DNAH14: variants seen among roughly 807,000 people sequenced by gnomAD.
DNAH14 encodes the protein dynein axonemal heavy chain 14.
DNAH14 carries 478 observed loss-of-function variants against 520.9 expected under a neutral mutation model. The ratio of observed to expected loss-of-function variants is 0.92; its 90% confidence interval spans 0.85 to 0.99. DNAH14 has a LOEUF of 0.99. Among genes scored for constraint, DNAH14 ranks in the 50% least tolerant of loss-of-function variants. The pLI, the probability that DNAH14 is intolerant of heterozygous loss-of-function variation, is 0.00. For synonymous variants in DNAH14, 1,581 were observed against 1,757.2 expected (o/e 0.90, Z 2.51); for missense variants, 4,831 against 5,234.5 (o/e 0.92, Z 2.38).
chr1:225,042,495 A>G (rs992221383), intron 12 of DNAH14, among the ~76,000 whole-genome samples: 4 of 152,148 alleles, frequency 2.6e-5, no homozygotes, highest in African/African-American at 9.7e-5. Context: ...GTAGATGATT[A>G]AGAGTCCTGG....
intron 35 of DNAH14, among the ~76,000 whole-genome samples, chr1:225,164,616 T>C (rs1482230719): frequency 6.6e-6 from 1 of 151,914 alleles, no homozygotes; most frequent in Non-Finnish European, 1.5e-5. Flanking sequence ...CTTCTTTGTT[T>C]GTTATATTTA....
intron 20 of DNAH14, among the ~76,000 whole-genome samples, chr1:225,084,801 T>TCA (rs2073545018): frequency 1.3e-4 from 2 of 15,750 alleles, no homozygotes; most frequent in Non-Finnish European, 8.4e-4. Flanking sequence ...AAGGCTAGAT[T>TCA]CACTTCACTG....
intron 1 of DNAH14, among the ~76,000 whole-genome samples, chr1:224,948,348 C>G (rs1279680548): frequency 6.6e-6 from 1 of 151,362 alleles, no homozygotes; most frequent in African/African-American, 2.4e-5. Context: ...TCTAGTGACT[C>G]TTTCTGCTTG....
chr1:225,284,960 G>A (rs2093703167), intron 54 of DNAH14, among the ~76,000 whole-genome samples: 1 of 152,086 alleles, frequency 6.6e-6, no homozygotes, highest in South Asian at 2.1e-4. Flanking sequence ...CAGCAAAAAG[G>A]AAAAGAAGGA....
intron 38 of DNAH14, among the ~76,000 whole-genome samples, chr1:225,193,118 T>C (rs916321998): frequency 8.5e-5 from 13 of 152,232 alleles, no homozygotes; most frequent in African/African-American, 2.6e-4. Flanking sequence ...CAGTAAATGA[T>C]AGAATGAAGT....
chr1:224,944,018 G>T (rs572116549), intron 1 of DNAH14, among the ~76,000 whole-genome samples: 1 of 152,106 alleles, frequency 6.6e-6, no homozygotes, highest in South Asian at 2.1e-4. Flanking sequence ...GGTCCACTTG[G>T]TGCAGAGCTG....
chr1:225,381,647 G>T, intron 81 of DNAH14, 68 bp downstream of exon 81: 3 of 1,235,614 alleles, frequency 2.4e-6, no homozygotes, highest in Non-Finnish European at 3.3e-6. Flanking sequence ...CAAGGGAATG[G>T]TGAAGGTAAA....
chr1:225,103,403 G>C (rs1163933615), intron 23 of DNAH14, among the ~76,000 whole-genome samples: 1 of 152,174 alleles, frequency 6.6e-6, no homozygotes, highest in Non-Finnish European at 1.5e-5. Context: ...GAACTTTAAA[G>C]TAGTTGTTTC....
chr1:225,263,735 C>A (rs2093018745), intron 46 of DNAH14, among the ~76,000 whole-genome samples: 2 of 151,816 alleles, frequency 1.3e-5, no homozygotes, highest in Admixed American at 1.3e-4. Context: ...ATAATGGAGA[C>A]TGGAAAAAAG....
intron 12 of DNAH14, among the ~76,000 whole-genome samples, chr1:225,040,679 T>G (rs1015082323): frequency 6.6e-6 from 1 of 152,226 alleles, no homozygotes; most frequent in Non-Finnish European, 1.5e-5. Context: ...CATTCCTGTA[T>G]ATTTCTCCTT....
In DNAH14 at chr1:225,322,085, C is replaced by CTTTTTTTTTTT. The variant is rs3047035; in HGVS notation, c.9336-566_9336-556dup. 8.9e-5 allele frequency among the ~76,000 whole-genome samples: 8 copies of CTTTTTTTTTTT among 90,172 alleles called. 1 individual carries two copies. Among genetic ancestry groups the CTTTTTTTTTTT allele is most frequent in the Admixed American group, 1.5e-4 (1 of 6,530 alleles). 59.2% of individuals were successfully genotyped at this position (90,172 alleles called of 152,430 possible). On this transcript the variant is annotated intron_variant, in intron 61 of 85. Coordinates refer to ENST00000682510, the MANE Select transcript of DNAH14 (RefSeq NM_001367479.1). ...TGAAGACTTTTCTTTTTTTTTCTTT[C>CTTTTTTTTTTT]TTTTTTTTTTTTTTTTTTTTTTTGA... is the stretch of plus-strand genomic sequence containing the variant.
intron 10 of DNAH14, among the ~76,000 whole-genome samples, chr1:225,021,604 A>G (rs895577872): frequency 1.3e-5 from 2 of 152,220 alleles, no homozygotes; most frequent in Non-Finnish European, 1.5e-5. Context: ...TACAATGAGA[A>G]TTACAAAGCA....
rs2080873204 is a variant in DNAH14, at chr1:225,154,867, TA to T, written c.5273+1044del. 2.0e-5 allele frequency among the ~76,000 whole-genome samples: 3 copies of T among 152,092 alleles called. No individual in the cohort carries two copies. The South Asian group carries it at 6.2e-4, about 32-fold the overall frequency. On this transcript the variant is annotated intron_variant, in intron 34 of 85. Transcript: ENST00000682510. ...TTTTTTGAAGTCAAAAGACAATTGA[TA>T]AACTAGGGAAAAAATTGTAACTCAT...
chr1:225,186,291 T>C (rs2084723375), intron 37 of DNAH14, among the ~76,000 whole-genome samples: 1 of 151,928 alleles, frequency 6.6e-6, no homozygotes, highest in South Asian at 2.1e-4. Context: ...TCTTTTCGCT[T>C]TTCCCTTCAT....
chr1:225,354,073 T>C, intron 73 of DNAH14, 185 bp downstream of exon 73: 1 of 695,244 alleles, frequency 1.4e-6, no homozygotes, highest in South Asian at 1.6e-5. Flanking sequence ...GAGAGTCCAA[T>C]GTGAGTAACA....
chr1:225,114,517 C>G (rs1233375747), intron 23 of DNAH14, among the ~76,000 whole-genome samples: 1 of 152,110 alleles, frequency 6.6e-6, no homozygotes, highest in Non-Finnish European at 1.5e-5. Flanking sequence ...GATCATGTGT[C>G]CCCCCAGTCC....
rs149595005 is a variant in DNAH14, at chr1:225,123,667, C to T, written c.4254+53C>T. 371 of 273,408 alleles carry T rather than the reference C, an allele frequency of 1.4e-3. 1 individual carries two copies. The highest frequency in any genetic ancestry group is 7.8e-3 in the African/African-American group (344 of 44,228). The allele number at this position is 273,408 out of a possible 1,614,324, so 16.9% of individuals were successfully genotyped here. A position where few individuals can be genotyped will look rare whatever the true frequency, so the allele number is the denominator to read the frequency against. ...ATACAGGGACACCTTGGAGATATTG[C>T]AGGTTCAATTTCAGACCACTGTAAT... On this transcript the variant is annotated intron_variant, in intron 27 of 85. Coordinates refer to ENST00000682510, the MANE Select transcript of DNAH14 (RefSeq NM_001367479.1).
At chr1:225,195,524 A>T (rs2086016253) in intron 38 of DNAH14, among the ~76,000 whole-genome samples, 1 of 151,966 alleles carries the variant, frequency 6.6e-6, no homozygotes. Context: ...GGGAGGATGG[A>T]GAGGATCAAA....
At chr1:225,066,016 C>T (rs1270109526) in intron 17 of DNAH14, among the ~76,000 whole-genome samples, 3 of 152,024 alleles carry the variant, frequency 2.0e-5, no homozygotes, top group East Asian at 3.8e-4. Flanking sequence ...CAAATCCTTG[C>T]CACATGTACT....
Sources: gnomAD v4.1 joint callset for allele counts (sites outside exome capture counted in the v4.1 genomes callset) on GRCh38, gnomAD v4.1.1 for gene constraint, MANE v1.5 for transcripts, NCBI Gene and HGNC (gene_info 2026-07-23, HGNC 2026-07-21) for gene names.